IL21R: variants seen among roughly 807,000 people sequenced by gnomAD.
IL21R encodes interleukin-21 receptor.
Under a neutral mutation model 41.3 loss-of-function variants are expected in IL21R, and 14 were observed. The ratio of observed to expected loss-of-function variants is 0.34; its 90% CI spans 0.22 to 0.53. IL21R has a LOEUF of 0.53. IL21R is among the 20% of genes least tolerant of loss of function. The pLI is 0.94. For synonymous variants in IL21R, 286 were observed against 287.6 expected, an observed-to-expected ratio of 0.99 and a Z score of 0.05; for missense variants, 588 against 681.6, an observed-to-expected ratio of 0.86 and a Z score of 1.53.
At chr16:27,446,201 G>GTC in intron 8 of IL21R, 113 bp downstream of exon 8, 1 of 719,762 alleles carries the variant, frequency 1.4e-6, no homozygotes, top group Non-Finnish European at 2.2e-6. Flanking sequence ...GAGCATCCAG[G>GTC]TCTCAGCCAA....
Position 27,440,248 on chromosome 16 carries a change from T to TAGAGAGAGAGAGAG in IL21R, c.352+2580_352+2593dup, listed in dbSNP as rs1217071764. Among the ~76,000 whole-genome samples, 19 of 64,044 alleles carry TAGAGAGAGAGAGAG rather than the reference T, an allele frequency of 3.0e-4. 1 individual carries two copies. The highest frequency in any genetic ancestry group is 6.1e-4 in the African/African-American group (7 of 11,412). 42.0% of individuals were successfully genotyped at this position (64,044 alleles called of 152,430 possible). On this transcript the variant is annotated intron_variant, in intron 4 of 8. Transcript: ENST00000337929. ...ATATATATATATATATATATATATATAGAGAGAGAGAGAGAGAGAGAGAGA... is the reference window on the plus strand; with the variant it reads ...ATATATATATATATATATATATATATAGAGAGAGAGAGAGAGAGAGAGAGAGAGAGAGAGAGAGA...
rs56055036 is a variant in IL21R at position 27,430,038 on chromosome 16, A to G, written c.-16-18A>G. ...CCTGAGCCCGCCTGGCTCACCCTCC[A>G]CTGTACGTCTCTTGCAGGCCCGTGG... On this transcript the variant is annotated intron_variant, in intron 1 of 8. Coordinates refer to ENST00000337929, the MANE Select transcript of IL21R (RefSeq NM_181078.3). The G allele has an allele frequency of 5.7e-4, 914 of 1,604,358 alleles. 3 individuals are homozygous for G. The highest frequency in any genetic ancestry group is 1.3e-3 in the Admixed American group (77 of 59,910).
At chr16:27,402,805 C>T (rs905442465) in intron 1 of IL21R, among the ~76,000 whole-genome samples, 187 bp downstream of exon 1, 18 of 152,140 alleles carry the variant, frequency 1.2e-4, no homozygotes, top group African/African-American at 3.9e-4. Context: ...GTTGGGGTCT[C>T]TTGTTCAGCA....
At chr16:27,415,834 C>T (rs1214692674) in intron 1 of IL21R, among the ~76,000 whole-genome samples, 1 of 152,246 alleles carries the variant, frequency 6.6e-6, no homozygotes, top group Non-Finnish European at 1.5e-5. Context: ...CAGGACCCCC[C>T]AGTTCTTTGG....
intron 5 of IL21R, 59 bp from the exon 6 acceptor site, chr16:27,444,483 G>A (rs990469418): frequency 3.2e-6 from 4 of 1,246,952 alleles, no homozygotes; most frequent in Non-Finnish European, 2.1e-6. Context: ...GGCTCTGCTG[G>A]AGGCAGGGGC....
At chr16:27,434,064 G>C (rs1473224225) in intron 2 of IL21R, among the ~76,000 whole-genome samples, 1 of 152,170 alleles carries the variant, frequency 6.6e-6, no homozygotes, top group African/African-American at 2.4e-5. Context: ...GGCTCTGGAG[G>C]AGGGTGCTGA....
At position 27,451,365 on chromosome 16, in the gene IL21R, C is replaced by A. The variant is rs943959859; in HGVS notation, c.*2082C>A. ...GGACTCTGGACTGGGGCAGATGAGG[C>A]TCCTCAGAATCCCACCTTTGAAGGG... On this transcript the variant is annotated 3_prime_UTR_variant, in exon 9 of 9. Coordinates refer to ENST00000337929, the MANE Select transcript of IL21R (RefSeq NM_181078.3). 2.7e-5 allele frequency: 6 copies of A among 225,754 alleles called. No individual in the cohort carries two copies. The highest frequency in any genetic ancestry group is 1.3e-4 in the African/African-American group (6 of 44,844). The allele number at this position is 225,754 out of a possible 1,614,324, so 14.0% of individuals were successfully genotyped here.
intron 1 of IL21R, among the ~76,000 whole-genome samples, chr16:27,406,012 A>G (rs1485413715): frequency 6.6e-6 from 1 of 152,252 alleles, no homozygotes; most frequent in Non-Finnish European, 1.5e-5. Flanking sequence ...GGCCCCTGCC[A>G]TCCCCCACTG....
chr16:27,430,787 TG>T (rs2087157093), intron 2 of IL21R, among the ~76,000 whole-genome samples: 1 of 152,218 alleles, frequency 6.6e-6, no homozygotes, highest in African/African-American at 2.4e-5. Flanking sequence ...TACTCCAGCC[TG>T]GGCAACAGAG....
intron 4 of IL21R, among the ~76,000 whole-genome samples, chr16:27,440,248 T>TATATATATATATATATAGAG (rs1352160946): frequency 3.1e-4 from 20 of 64,028 alleles, no homozygotes; most frequent in South Asian, 5.0e-4. Flanking sequence ...TATATATATA[T>TATATATATATATATATAGAG]AGAGAGAGAG....
chr16:27,403,564 C>T (rs566351577), intron 1 of IL21R, among the ~76,000 whole-genome samples: 1 of 152,342 alleles, frequency 6.6e-6, no homozygotes, highest in East Asian at 1.9e-4. Context: ...AGTCTCTCTG[C>T]TTCTAGCCTT....
chr16:27,412,360 A>G (rs1304312148), intron 1 of IL21R, among the ~76,000 whole-genome samples: 5 of 151,142 alleles, frequency 3.3e-5, no homozygotes, highest in Admixed American at 6.6e-5. Context: ...TTTTGAAATC[A>G]GGAAATGTGA....
In IL21R at chr16:27,449,115, C is replaced by A. The variant is rs3093408; in HGVS notation, c.1449C>A (p.Ala483=). Residue 483 remains alanine, a synonymous_variant, in exon 9 of 9, where the codon GCC becomes GCA. Coordinates refer to ENST00000337929, the MANE Select transcript of IL21R (RefSeq NM_181078.3). ...AGAGTGAGGCGGGCTCACCCCTGGC[C>A]GGCCTGGATATGGACACGTTTGACA... The part of the protein sequence containing the change: ...VSESEAGSPL[A]GLDMDTFDSG... 5 of 1,613,472 alleles carry A rather than the reference C, an allele frequency of 3.1e-6. No homozygotes were observed. The East Asian group carries it at 6.7e-5, about 22-fold the overall frequency.
chr16:27,426,304 T>C (rs1254589509), intron 1 of IL21R, among the ~76,000 whole-genome samples: 1 of 152,218 alleles, frequency 6.6e-6, no homozygotes, highest in African/African-American at 2.4e-5. Flanking sequence ...CTGATGGTCA[T>C]GATATAATAT....
Position 27,450,787 on chromosome 16 carries a change from C to T in IL21R, c.*1504C>T, listed in dbSNP as rs1211846594. 3 of 228,508 alleles carry T rather than the reference C, an allele frequency of 1.3e-5. No homozygotes were observed. Among genetic ancestry groups the T allele is most frequent in the African/African-American group, 2.2e-5 (1 of 45,030 alleles). The allele number at this position is 228,508 out of a possible 1,614,324, so 14.2% of individuals were successfully genotyped here. A position where few individuals can be genotyped will look rare whatever the true frequency, so the allele number is the denominator to read the frequency against. ...TAGTAGAGCTGGGGCCACCCTGGCC[C>T]GGCCCCGTCTTCCTCCCCAAAGGTC... On this transcript the variant is annotated 3_prime_UTR_variant, in exon 9 of 9. Transcript: ENST00000337929.
Position 27,444,562 on chromosome 16 carries a change from C to G in IL21R, c.528C>G (p.Ile176Met), listed in dbSNP as rs778933190. The change falls in exon 6 of 9, where the codon ATC becomes ATG. Residue 176 changes from isoleucine to methionine, a missense_variant. By Grantham distance (10) the Ile-to-Met change is conservative. Coordinates refer to ENST00000337929, the MANE Select transcript of IL21R (RefSeq NM_181078.3). ...GGCAGAGTCCGAGGAGAAAGCTGAT[C>G]TCAGTGGACTCAAGAAGTGTCTCCC... The part of the protein sequence containing the change: ...PWAVSPRRKL[I>M]SVDSRSVSLL... The G allele has an allele frequency of 6.5e-7, 1 of 1,531,044 alleles. No homozygotes were observed. The highest frequency in any genetic ancestry group is 2.5e-5 in the East Asian group (1 of 39,882). 94.8% of individuals were successfully genotyped at this position (1,531,044 alleles called of 1,614,324 possible).
chr16:27,417,135 T>C (rs2086902156), intron 1 of IL21R, among the ~76,000 whole-genome samples: 1 of 151,364 alleles, frequency 6.6e-6, no homozygotes, highest in African/African-American at 2.4e-5. Context: ...GCAATTGTTT[T>C]CTTTCCTTTT....
At chr16:27,445,075 A>G (rs1596596293) in intron 6 of IL21R, 102 bp from the exon 7 acceptor site, 2 of 782,882 alleles carry the variant, frequency 2.6e-6, no homozygotes, top group Non-Finnish European at 4.4e-6. Flanking sequence ...AGCCTCTCCT[A>G]CCCTCTTCCA....
At chr16:27,440,149 C>T (rs1220739247) in intron 4 of IL21R, among the ~76,000 whole-genome samples, 2 of 149,744 alleles carry the variant, frequency 1.3e-5, no homozygotes, top group African/African-American at 4.9e-5. Flanking sequence ...GCCCTCAGTG[C>T]GGGTTTCAGG....
Sources: gnomAD v4.1 joint callset for allele counts (sites outside exome capture counted in the v4.1 genomes callset) on GRCh38, gnomAD v4.1.1 for gene constraint, MANE v1.5 for transcripts, NCBI Gene and HGNC (gene_info 2026-07-23, HGNC 2026-07-21) for gene names.